The following TRIM27 variants were observed in gnomAD, a reference collection of about 807,000 sequenced individuals.
The protein encoded by TRIM27 is zinc finger protein RFP.
In TRIM27, 12 loss-of-function variants were observed where a neutral mutation model predicts 57.6. That is an observed-to-expected ratio of 0.21 (90% CI 0.13 to 0.34). The LOEUF (loss-of-function observed/expected upper bound fraction) is 0.34. Among genes scored for constraint, TRIM27 ranks in the 10% least tolerant of loss-of-function variants. TRIM27 has a pLI of 1.00. For missense variants in TRIM27, 403 were observed against 656.8 expected, an observed-to-expected ratio of 0.61 and a Z score of 4.22; for synonymous variants, 266 against 259.0, an observed-to-expected ratio of 1.03 and a Z score of -0.26.
intron 2 of TRIM27, 140 bp from the exon 3 acceptor site, chr6:28,920,382 T>C (rs1053925978): frequency 1.5e-6 from 1 of 655,238 alleles, no homozygotes; most frequent in Non-Finnish European, 2.5e-6. Flanking sequence ...TTCCAGTCTT[T>C]ACTGACTGGA....
Position 28,917,314 on chromosome 6 carries a change from G to A in TRIM27, c.747+2698C>T, listed in dbSNP as rs536993182. 7.3e-5 allele frequency among the ~76,000 whole-genome samples: 11 copies of A among 150,288 alleles called. No homozygotes were observed. The South Asian group carries it at 2.1e-3, about 29-fold the overall frequency. On this transcript the variant is annotated intron_variant, in intron 3 of 7. Coordinates refer to ENST00000377199, the MANE Select transcript of TRIM27 (RefSeq NM_006510.5). ...CGACAGGGGCTGGGCACGGTGGCTCGCACCTGTAATCCCAGCACTTTGGGA... is the reference window on the plus strand; with the variant it reads ...CGACAGGGGCTGGGCACGGTGGCTCACACCTGTAATCCCAGCACTTTGGGA...
intron 3 of TRIM27, among the ~76,000 whole-genome samples, chr6:28,918,991 T>A (rs1773825007): frequency 6.6e-6 from 1 of 152,102 alleles, no homozygotes; most frequent in South Asian, 2.1e-4. Context: ...TATGCCATCA[T>A]CCATTTTTAT....
Position 28,923,273 on chromosome 6 carries a change from G to A in TRIM27, c.360C>T (p.Arg120=). 6.2e-7 allele frequency: 1 copy of A among 1,609,798 alleles called. No homozygotes were observed. The highest frequency in any genetic ancestry group is 8.5e-7 in the Non-Finnish European group (1 of 1,178,366). Residue 120 remains arginine (R), a synonymous_variant, in exon 1 of 8, where the codon CGC becomes CGT. Transcript: ENST00000377199. The part of the protein sequence containing the change: ...DQMPICVVCD[R]SREHRGHSVL... Reference sequence around the variant, plus strand: ...CGCTGTGGCCGCGGTGCTCGCGGGAGCGGTCGCACACCACGCAGATGGGCA... The same window carrying A: ...CGCTGTGGCCGCGGTGCTCGCGGGAACGGTCGCACACCACGCAGATGGGCA...
At chr6:28,919,423 T>C (rs888843431) in intron 3 of TRIM27, among the ~76,000 whole-genome samples, 6 of 152,216 alleles carry the variant, frequency 3.9e-5, no homozygotes, top group African/African-American at 1.4e-4. Context: ...GTGCCTAGAA[T>C]AGTGCCTGAC....
chr6:28,915,479 T>C (rs1204081892), intron 3 of TRIM27, among the ~76,000 whole-genome samples: 1 of 151,912 alleles, frequency 6.6e-6, no homozygotes, highest in Non-Finnish European at 1.5e-5. Context: ...TGTGGTGGTG[T>C]GTGCCTGTAA....
intron 4 of TRIM27, among the ~76,000 whole-genome samples, chr6:28,910,123 G>GAAAAAAAAAAAAAAAAAGAAA (rs1773077776): frequency 1.0e-5 from 1 of 97,622 alleles, no homozygotes; most frequent in African/African-American, 3.4e-5. Context: ...AAAGAAAAAT[G>GAAAAAAAAAAAAAAAAAGAAA]AAAAAAAAAA....
At chr6:28,911,009 A>G (rs1688121147) in intron 4 of TRIM27, among the ~76,000 whole-genome samples, 1 of 152,108 alleles carries the variant, frequency 6.6e-6, no homozygotes, top group Non-Finnish European at 1.5e-5. Flanking sequence ...ACCATTCAGG[A>G]TCTTAATCAC....
chr6:28,922,022 T>C, intron 1 of TRIM27, 35 bp from the exon 2 acceptor site: 1 of 1,476,890 alleles, frequency 6.8e-7, no homozygotes, highest in Non-Finnish European at 9.5e-7. Flanking sequence ...AGTTCAAAAT[T>C]AGGTAGACCT....
At chr6:28,916,201 C>T (rs890989143) in intron 3 of TRIM27, among the ~76,000 whole-genome samples, 2 of 152,056 alleles carry the variant, frequency 1.3e-5, no homozygotes, top group Non-Finnish European at 1.5e-5. Context: ...AGGCGTGAGC[C>T]GCCGCGCCTG....
chr6:28,919,310 C>A (rs1383106344), intron 3 of TRIM27, among the ~76,000 whole-genome samples: 1 of 152,008 alleles, frequency 6.6e-6, no homozygotes, highest in Admixed American at 6.6e-5. Flanking sequence ...GCACCTGGCC[C>A]GCCATCATCC....
chr6:28,909,303 C>T (rs1773006456), intron 4 of TRIM27, among the ~76,000 whole-genome samples: 1 of 152,166 alleles, frequency 6.6e-6, no homozygotes, highest in Admixed American at 6.5e-5. Flanking sequence ...GATGGGGTTT[C>T]TCCATACTGG....
At chr6:28,918,753 G>A (rs1288062142) in intron 3 of TRIM27, among the ~76,000 whole-genome samples, 1 of 151,868 alleles carries the variant, frequency 6.6e-6, no homozygotes, top group African/African-American at 2.4e-5. Flanking sequence ...GTGTGCGCCT[G>A]TAATCTCAGC....
chr6:28,907,219 T>G lies in TRIM27; in HGVS notation c.946+17A>C. On this transcript the variant is annotated intron_variant, in intron 7 of 7. Transcript: ENST00000377199. ...TTTACTCCTTACCCTAATATGGTTT[T>G]GTCTCTCATCACCTACCTGAGTATA... The G allele has an allele frequency of 6.2e-7, 1 of 1,607,680 alleles. No homozygotes were observed. Among genetic ancestry groups the G allele is most frequent in the African/African-American group, 1.3e-5 (1 of 74,710 alleles).
intron 3 of TRIM27, 38 bp downstream of exon 3, chr6:28,919,973 TC>T: frequency 6.4e-7 from 1 of 1,572,394 alleles, no homozygotes; most frequent in Non-Finnish European, 8.6e-7. Context: ...GACGATATTT[TC>T]AGTGGGTGCT....
In TRIM27 at chr6:28,903,198, C is replaced by T. The variant is rs1056032; in HGVS notation, c.*872G>A. 24,109 of 232,382 alleles carry T rather than the reference C, an allele frequency of 0.1. 1,384 individuals are homozygous for T. The highest frequency in any genetic ancestry group is 0.14 in the African/African-American group (6,506 of 45,302). 14.4% of individuals were successfully genotyped at this position (232,382 alleles called of 1,614,324 possible). On this transcript the variant is annotated 3_prime_UTR_variant, in exon 8 of 8. Coordinates refer to ENST00000377199, the MANE Select transcript of TRIM27 (RefSeq NM_006510.5). ...CTTAAGCATGGTCAATTCCCCCTTC[C>T]CCCAAAGGAAATGGAGAAAAGGAGC...
rs1048212763 is a variant in TRIM27, at chr6:28,923,832, C to G, written c.-200G>C. On this transcript the variant is annotated 5_prime_UTR_variant, in exon 1 of 8. Coordinates refer to ENST00000377199, the MANE Select transcript of TRIM27 (RefSeq NM_006510.5). ...CCGGGCCGATGCCTGCGCCTGTGCC[C>G]CCTAAGCGAGAGCGGGAATACGGCC... 2 of 568,038 alleles carry G rather than the reference C, an allele frequency of 3.5e-6. No homozygotes were observed. The highest frequency in any genetic ancestry group is 3.2e-5 in the East Asian group (1 of 31,456). The allele number at this position is 568,038 out of a possible 1,614,324, so 35.2% of individuals were successfully genotyped here. A position where few individuals can be genotyped will look rare whatever the true frequency, so the allele number is the denominator to read the frequency against.
intron 3 of TRIM27, among the ~76,000 whole-genome samples, chr6:28,913,647 T>C (rs1456675048): frequency 6.6e-6 from 1 of 152,074 alleles, no homozygotes; most frequent in Non-Finnish European, 1.5e-5. Flanking sequence ...GAGTAAGAAA[T>C]GGTATTTTAG....
chr6:28,909,448 T>A (rs1467293378), intron 4 of TRIM27, among the ~76,000 whole-genome samples: 1 of 152,200 alleles, frequency 6.6e-6, no homozygotes, highest in Non-Finnish European at 1.5e-5. Flanking sequence ...TTCCAGGAAC[T>A]AGGACAGGGG....
chr6:28,921,954 T>C lies in TRIM27; in HGVS notation c.454A>G (p.Arg152Gly). The C allele has an allele frequency of 6.2e-7, 1 of 1,613,104 alleles. No homozygotes were observed. Among genetic ancestry groups the C allele is most frequent in the East Asian group, 2.2e-5 (1 of 44,882 alleles). Residue 152 changes from arginine (R) to glycine (G), a missense_variant, in exon 2 of 8, where the codon AGA becomes GGA. Transcript: ENST00000377199. Reference sequence around the variant, plus strand: ...CGTCTCTTCTTTAAATCTTTCACTCTTTTTAAATGGTCGAGCTGGTTCTGG... The same window carrying C: ...CGTCTCTTCTTTAAATCTTTCACTCCTTTTAAATGGTCGAGCTGGTTCTGG... ...QIQNQLDHLKRVKDLKKRRRA... is the reference protein window; with the variant it reads ...QIQNQLDHLKGVKDLKKRRRA...
Sources: allele counts gnomAD v4.1 joint callset (sites outside exome capture counted in the v4.1 genomes callset), GRCh38; gene constraint gnomAD v4.1.1; transcripts MANE v1.5; gene names NCBI Gene and HGNC (gene_info 2026-07-23, HGNC 2026-07-21).